The following RBFOX1 variants were observed in gnomAD, a reference collection of about 807,000 sequenced individuals.
RBFOX1 encodes RNA binding protein fox-1 homolog 1.
RBFOX1 carries 8 observed loss-of-function variants against 57.7 expected under a neutral mutation model. The ratio of observed to expected loss-of-function variants is 0.14; its 90% CI spans 0.08 to 0.25. The LOEUF is 0.25. RBFOX1 is among the 10% of genes least tolerant of loss of function. The pLI is 1.00. For synonymous variants in RBFOX1, 326 were observed against 222.4 expected, an observed-to-expected ratio of 1.47 and a Z score of -4.15; for missense variants, 611 against 548.5, an observed-to-expected ratio of 1.11 and a Z score of -1.14.
chr16:7,406,705 A>G (rs994500805), intron 4 of RBFOX1, among the ~76,000 whole-genome samples: 2 of 152,212 alleles, frequency 1.3e-5, no homozygotes, highest in Non-Finnish European at 2.9e-5. Flanking sequence ...CTGCTTTGGC[A>G]AATTACTACA....
At chr16:5,431,234 G>T (rs368371387) in intron 1 of RBFOX1, among the ~76,000 whole-genome samples, 5 of 152,156 alleles carry the variant, frequency 3.3e-5, no homozygotes, top group African/African-American at 1.2e-4. Context: ...ATAGCCTTTC[G>T]TAAAGTTCTG....
At chr16:7,234,788 A>G (rs566464479) in intron 4 of RBFOX1, among the ~76,000 whole-genome samples, 22 of 151,928 alleles carry the variant, frequency 1.4e-4, no homozygotes, top group African/African-American at 5.3e-4. Flanking sequence ...ACTACATTCA[A>G]ACTCATTTTC....
intron 4 of RBFOX1, among the ~76,000 whole-genome samples, chr16:7,056,755 G>C (rs114259287): frequency 1.0e-3 from 153 of 152,168 alleles, no homozygotes; most frequent in African/African-American, 3.5e-3. Context: ...GCTGATTAAC[G>C]AGCTTAGTTA....
chr16:7,618,807 A>C (rs2058861672), intron 10 of RBFOX1, among the ~76,000 whole-genome samples: 1 of 152,166 alleles, frequency 6.6e-6, no homozygotes, highest in Admixed American at 6.5e-5. Flanking sequence ...AAATGGCAAA[A>C]CCCTACTTTG....
chr16:5,363,377 A>G (rs1004095209), intron 1 of RBFOX1, among the ~76,000 whole-genome samples: 5 of 152,152 alleles, frequency 3.3e-5, no homozygotes, highest in Admixed American at 6.5e-5. Context: ...GTGGGATTGC[A>G]GATCATATGG....
At position 6,683,101 on chromosome 16, in the gene RBFOX1, A is replaced by G. The variant is rs1349368113; in HGVS notation, c.-16+28451A>G. Among the ~76,000 whole-genome samples the G allele has an allele frequency of 3.9e-5, 6 of 152,252 alleles. No individual in the cohort carries two copies. In the East Asian group the frequency reaches 1.2e-3, roughly 29 times the overall value. The stretch of plus-strand genomic sequence containing the variant: ...GAATACTGGAGACTCGAGTTTAACC[A>G]CAGGGTTATTTATTTAATGATGAAA... On this transcript the variant is annotated intron_variant, in intron 3 of 15. Transcript: ENST00000550418.
At chr16:6,121,971 T>C (rs971289870) in intron 1 of RBFOX1, among the ~76,000 whole-genome samples, 4 of 152,152 alleles carry the variant, frequency 2.6e-5, no homozygotes, top group African/African-American at 9.7e-5. Context: ...AGTGGCATGA[T>C]CTCTGCTCAC....
At chr16:5,818,887 C>A (rs2055743907) in intron 3 of RBFOX1, among the ~76,000 whole-genome samples, 1 of 152,124 alleles carries the variant, frequency 6.6e-6, no homozygotes, top group African/African-American at 2.4e-5. Flanking sequence ...GTAAATGGTT[C>A]CTCCACCCAC....
At chr16:6,707,478 G>GTTTTTTTTTTTTTTTTTTTT (rs61418784) in intron 3 of RBFOX1, among the ~76,000 whole-genome samples, 1 of 128,310 alleles carries the variant, frequency 7.8e-6, no homozygotes, top group Non-Finnish European at 1.6e-5. Context: ...TCCCATTTTT[G>GTTTTTTTTTTTTTTTTTTTT]TTTTTTTTTT....
chr16:5,776,873 C>T lies in RBFOX1; in HGVS notation c.319-90430C>T, dbSNP rs549770675. ...TGTTCTAAATCAGCATCATCAAACA[C>T]GGTGGCCATTTGCCATGGATGTATG... is the stretch of plus-strand genomic sequence containing the variant. On this transcript the variant is annotated intron_variant, in intron 3 of 19. Transcript: ENST00000641259. 4.6e-5 allele frequency among the ~76,000 whole-genome samples: 7 copies of T among 152,328 alleles called. No individual in the cohort carries two copies. In the East Asian group the frequency reaches 7.7e-4, roughly 17 times the overall value.
intron 4 of RBFOX1, among the ~76,000 whole-genome samples, chr16:7,185,483 C>G (rs888236007): frequency 5.3e-5 from 8 of 152,144 alleles, no homozygotes; most frequent in African/African-American, 9.7e-5. Flanking sequence ...TCTAGTGCCT[C>G]CAGTGATATT....
chr16:7,604,905 T>A lies in RBFOX1; in HGVS notation c.623-2380T>A, dbSNP rs539672942. ...TGCACAGTATGGGAAAGACACCATCTCCACTACCAATAAGAGGTAGGAGCA... is the reference window on the plus strand; with the variant it reads ...TGCACAGTATGGGAAAGACACCATCACCACTACCAATAAGAGGTAGGAGCA... On this transcript the variant is annotated intron_variant, in intron 9 of 15. Transcript: ENST00000550418. Among the ~76,000 whole-genome samples, 3 of 152,254 alleles carry A rather than the reference T, an allele frequency of 2.0e-5. No homozygotes were observed. In the South Asian group the frequency reaches 6.2e-4, roughly 32 times the overall value.
chr16:5,549,833 A>G (rs1226091164), intron 2 of RBFOX1, among the ~76,000 whole-genome samples: 1 of 152,182 alleles, frequency 6.6e-6, no homozygotes, highest in Admixed American at 6.5e-5. Context: ...GTTACTGGGA[A>G]GGATGGAAGC....
chr16:6,343,454 G>T (rs1029438873), intron 2 of RBFOX1, among the ~76,000 whole-genome samples: 1 of 152,208 alleles, frequency 6.6e-6, no homozygotes, highest in East Asian at 1.9e-4. Context: ...AAGAACTGAA[G>T]TGAGGATTTG....
At chr16:5,938,178 CTTCTGGAATATTCT>C (rs2059205233) in intron 4 of RBFOX1, among the ~76,000 whole-genome samples, 1 of 152,072 alleles carries the variant, frequency 6.6e-6, no homozygotes, top group South Asian at 2.1e-4. Context: ...AAAAATACTC[CTTCTGGAATATTCT>C]ACCTATCTTG....
intron 4 of RBFOX1, among the ~76,000 whole-genome samples, chr16:7,431,012 A>G (rs929211846): frequency 2.6e-5 from 4 of 152,180 alleles, no homozygotes; most frequent in East Asian, 3.9e-4. Flanking sequence ...TGCTTTCACA[A>G]TCATCAAACA....
At chr16:5,331,456 G>A (rs972823662) in intron 1 of RBFOX1, among the ~76,000 whole-genome samples, 7 of 152,324 alleles carry the variant, frequency 4.6e-5, no homozygotes, top group East Asian at 3.9e-4. Flanking sequence ...TTTAGATGGG[G>A]CTTGGCTGGG....
At chr16:6,244,620 C>T (rs1412095617) in intron 1 of RBFOX1, among the ~76,000 whole-genome samples, 1 of 152,230 alleles carries the variant, frequency 6.6e-6, no homozygotes, top group Non-Finnish European at 1.5e-5. Context: ...AGCAATTCTC[C>T]TGCCTCAGCC....
intron 4 of RBFOX1, among the ~76,000 whole-genome samples, chr16:7,052,808 A>T (rs1284368192): frequency 3.9e-5 from 6 of 152,052 alleles, no homozygotes; most frequent in Admixed American, 3.9e-4. Context: ...ATTTCTTCCC[A>T]TTTGTTTTCT....
Sources: gnomAD v4.1 joint callset for allele counts (sites outside exome capture counted in the v4.1 genomes callset) on GRCh38, gnomAD v4.1.1 for gene constraint, MANE v1.5 for transcripts, NCBI Gene and HGNC (gene_info 2026-07-23, HGNC 2026-07-21) for gene names.